The following RIPOR1 variants were observed in gnomAD, a reference collection of about 807,000 sequenced individuals.
The protein encoded by RIPOR1 is RHO family interacting cell polarization regulator 1, also known as rho family-interacting cell polarization regulator 1.
RIPOR1 carries 58 observed loss-of-function variants against 116.5 expected under a neutral mutation model. That is an observed-to-expected ratio of 0.50 (90% CI 0.40 to 0.62). The LOEUF (loss-of-function observed/expected upper bound fraction) is 0.62, where lower values mean the gene tolerates loss of function less well. Ranked by LOEUF, RIPOR1 falls within the 20% of genes least tolerant of loss-of-function variation. The probability of loss-of-function intolerance (pLI) is 0.00; values close to 1 mark genes in which losing one functional copy is unlikely to be tolerated. For synonymous variants in RIPOR1, 605 were observed against 650.0 expected (o/e 0.93, Z 1.05); for missense variants, 1,372 against 1,586.2 (o/e 0.86, Z 2.29).
Position 67,544,172 on chromosome 16 carries a change from C to A in RIPOR1, c.2601-127C>A. On this transcript the variant is annotated intron_variant, in intron 14 of 21. Transcript: ENST00000042381. This position sits in a 1 kb window ranked among gnomAD's most constrained non-coding sequence, Gnocchi z 5.1. ...CTTCTGGAAATCCTCCATGAACTTA[C>A]CCCACTGTCTGCTGTCGGTGCATCA... 1 of 1,245,308 alleles carries A rather than the reference C, an allele frequency of 8.0e-7. No individual in the cohort carries two copies. Among genetic ancestry groups the A allele is most frequent in the Non-Finnish European group, 1.1e-6 (1 of 901,386 alleles). The allele number at this position is 1,245,308 out of a possible 1,614,324, so 77.1% of individuals were successfully genotyped here. A position where few individuals can be genotyped will look rare whatever the true frequency, so the allele number is the denominator to read the frequency against.
chr16:67,545,984 G>C lies in RIPOR1; in HGVS notation c.3423G>C (p.Glu1141Asp). 1.2e-6 allele frequency: 2 copies of C among 1,613,972 alleles called. No individual in the cohort carries two copies. Among genetic ancestry groups the C allele is most frequent in the Non-Finnish European group, 1.7e-6 (2 of 1,180,024 alleles). ...LLCFLDQLED[E>D]DVQTRVAGCL... Reference sequence around the variant, plus strand: ...GCTTCCTGGACCAGCTGGAGGATGAGGACGTGCAGACTCGAGTGGCTGGCT... The same window carrying C: ...GCTTCCTGGACCAGCTGGAGGATGACGACGTGCAGACTCGAGTGGCTGGCT... Residue 1141 changes from glutamate (E) to aspartate (D), a missense_variant, in exon 20 of 22, where the codon GAG becomes GAC. Physicochemically the swap from Glu to Asp is conservative, Grantham distance 45. Coordinates refer to ENST00000042381, the MANE Select transcript of RIPOR1 (RefSeq NM_024519.4). The surrounding 1 kb of genome is among the most constrained non-coding windows in gnomAD (Gnocchi z 4.8).
Position 67,544,851 on chromosome 16 carries a change from G to A in RIPOR1, c.2869+21G>A, listed in dbSNP as rs754651382. 2 of 1,590,206 alleles carry A rather than the reference G, an allele frequency of 1.3e-6. No homozygotes were observed. Among genetic ancestry groups the A allele is most frequent in the Admixed American group, 3.4e-5 (2 of 59,042 alleles). ...GGAAGGTAAAGGCCCTGGGGGTTCG[G>A]GCTCTGCCATCTGCCTTGAAGCTCC... On this transcript the variant is annotated intron_variant, in intron 16 of 21. Transcript: ENST00000042381. This position sits in a 1 kb window ranked among gnomAD's most constrained non-coding sequence, Gnocchi z 5.1.
chr16:67,528,057 G>A (rs942095075), upstream of RIPOR1, among the ~76,000 whole-genome samples: 3 of 152,074 alleles, frequency 2.0e-5, no homozygotes, highest in Admixed American at 6.6e-5. Context: ...GTCCAGGTTG[G>A]AAGGGCCAGG....
chr16:67,539,168 G>C, intron 4 of RIPOR1, 100 bp downstream of exon 4: 1 of 995,100 alleles, frequency 1.0e-6, no homozygotes, highest in South Asian at 1.6e-5. Flanking sequence ...GAAGTGATCT[G>C]GTTCAGGTGT....
In RIPOR1 at chr16:67,541,468, G is replaced by A. The variant is rs373596153; in HGVS notation, c.840G>A (p.Val280=). 1.9e-6 allele frequency: 3 copies of A among 1,613,968 alleles called. No homozygotes were observed. The highest frequency in any genetic ancestry group is 1.3e-5 in the African/African-American group (1 of 74,886). ...ELKGLANHVV[V]GSVSCETKDL... Reference sequence around the variant, plus strand: ...AGGGCCTGGCCAACCATGTGGTTGTGGGCAGTGTCTCCTGTGAGACCAAGG... The same window carrying A: ...AGGGCCTGGCCAACCATGTGGTTGTAGGCAGTGTCTCCTGTGAGACCAAGG... The change falls in exon 11 of 22, where the codon GTG becomes GTA. Residue 280 remains valine (V), a synonymous_variant. Coordinates refer to ENST00000042381, the MANE Select transcript of RIPOR1 (RefSeq NM_024519.4). The surrounding 1 kb of genome is among the most constrained non-coding windows in gnomAD (Gnocchi z 4.6).
At chr16:67,538,228 T>C (rs990992881) in intron 1 of RIPOR1, 196 bp from the exon 2 acceptor site, 2 of 534,670 alleles carry the variant, frequency 3.7e-6, no homozygotes, top group Non-Finnish European at 3.0e-6. Context: ...GAGGCCACGC[T>C]GAGTCCGAGG....
rs1196851391 is a variant in RIPOR1 at position 67,541,391 on chromosome 16, C to G, written c.802-39C>G. On this transcript the variant is annotated intron_variant, in intron 10 of 21. Coordinates refer to ENST00000042381, the MANE Select transcript of RIPOR1 (RefSeq NM_024519.4). This position sits in a 1 kb window ranked among gnomAD's most constrained non-coding sequence, Gnocchi z 4.6. ...CAGATTTCCCATGATCTCATAGCCC[C>G]TGCACCCTTGTGACCCTACCATGCA... The G allele has an allele frequency of 3.1e-6, 5 of 1,598,190 alleles. No homozygotes were observed. The highest frequency in any genetic ancestry group is 4.3e-6 in the Non-Finnish European group (5 of 1,170,640).
At chr16:67,524,064 C>CAAAAAA (rs1162626113), upstream of RIPOR1, among the ~76,000 whole-genome samples, 1 of 150,272 alleles carries the variant, frequency 6.7e-6, no homozygotes, top group East Asian at 1.9e-4. Context: ...CAGAGGCAAA[C>CAAAAAA]AAAAAAAAAT....
In RIPOR1 at chr16:67,545,607, C is replaced by G; in HGVS notation, c.3191-57C>G. On this transcript the variant is annotated intron_variant, in intron 18 of 21. Coordinates refer to ENST00000042381, the MANE Select transcript of RIPOR1 (RefSeq NM_024519.4). The surrounding 1 kb of genome is among the most constrained non-coding windows in gnomAD (Gnocchi z 4.8). ...CATGAGGACAAGCCCTCCCCAACCT[C>G]GGGGGCTCCTCACCCTGCCACCTTG... is the stretch of plus-strand genomic sequence containing the variant. 1 of 1,584,048 alleles carries G rather than the reference C, an allele frequency of 6.3e-7. No individual in the cohort carries two copies. Among genetic ancestry groups the G allele is most frequent in the Non-Finnish European group, 8.6e-7 (1 of 1,161,676 alleles).
Position 67,546,147 on chromosome 16 carries a change from G to A in RIPOR1, c.3478G>A (p.Glu1160Lys), listed in dbSNP as rs1254623732. 34 of 1,531,206 alleles carry A rather than the reference G, an allele frequency of 2.2e-5. No homozygotes were observed. Among genetic ancestry groups the A allele is most frequent in the Non-Finnish European group, 2.8e-5 (32 of 1,128,954 alleles). The allele number at this position is 1,531,206 out of a possible 1,614,324, so 94.9% of individuals were successfully genotyped here. Residue 1160 changes from glutamate (E) to lysine (K), a missense_variant, in exon 21 of 22, where the codon GAG becomes AAG. Physicochemically the swap from Glu to Lys is moderately conservative, Grantham distance 56 (BLOSUM62 1). Coordinates refer to ENST00000042381, the MANE Select transcript of RIPOR1 (RefSeq NM_024519.4). ...CLALGCIKAPEGIEPLVYLCQ... is the reference protein window; with the variant it reads ...CLALGCIKAPKGIEPLVYLCQ... ...ATGCTCCCTCCCCTGACAGGCTCCC[G>A]AGGGCATTGAGCCCCTGGTGTACCT...
rs1298405876 is a variant in RIPOR1, at chr16:67,531,125, C to T, written c.-24+2211C>T. On this transcript the variant is annotated intron_variant, in intron 1 of 21. Transcript: ENST00000042381. The surrounding 1 kb of genome is among the most constrained non-coding windows in gnomAD (Gnocchi z 4.2). The stretch of plus-strand genomic sequence containing the variant: ...TTCCAAGTCCAGAATCCCAGGGGAT[C>T]CCCACCCTGCACCATCCCAGGGAGC... Among the ~76,000 whole-genome samples the T allele has an allele frequency of 6.6e-6, 1 of 152,090 alleles. No homozygotes were observed. The highest frequency in any genetic ancestry group is 6.5e-5 in the Admixed American group (1 of 15,272).
rs192711087 is a variant in RIPOR1, at chr16:67,533,551, G to A, written c.-24+4637G>A. Among the ~76,000 whole-genome samples, 285 of 152,064 alleles carry A rather than the reference G, an allele frequency of 1.9e-3. 2 individuals carry two copies. The highest frequency in any genetic ancestry group is 1.9e-3 in the East Asian group (10 of 5,158). On this transcript the variant is annotated intron_variant, in intron 1 of 21. Transcript: ENST00000042381. ...GCTTAAAGAAGAGGAGGGGAACCACGAAGTCCAAAGCTTTGCTGAGATCAA... is the reference window on the plus strand; with the variant it reads ...GCTTAAAGAAGAGGAGGGGAACCACAAAGTCCAAAGCTTTGCTGAGATCAA...
chr16:67,533,429 G>A (rs983874218), intron 1 of RIPOR1, among the ~76,000 whole-genome samples: 2 of 152,142 alleles, frequency 1.3e-5, no homozygotes, highest in African/African-American at 4.8e-5. Context: ...TCGGGGATGG[G>A]AGGAAAGAAG....
At chr16:67,532,254 G>A (rs183566315) in intron 1 of RIPOR1, among the ~76,000 whole-genome samples, 3 of 152,148 alleles carry the variant, frequency 2.0e-5, no homozygotes, top group Admixed American at 2.0e-4. Flanking sequence ...ACAGTTAGAT[G>A]TTAGCTAGGC....
In RIPOR1 at chr16:67,537,323, T is replaced by C; in HGVS notation, c.-23-1101T>C. 1 of 1,162,004 alleles carries C rather than the reference T, an allele frequency of 8.6e-7. No individual in the cohort carries two copies. Among genetic ancestry groups the C allele is most frequent in the African/African-American group, 1.6e-5 (1 of 62,814 alleles). The allele number at this position is 1,162,004 out of a possible 1,614,324, so 72.0% of individuals were successfully genotyped here. ...CCATGCTCAAATCCCTTTACGCACA[T>C]TGCTGACCCCAGCTGAGCAGACCCC... On this transcript the variant is annotated intron_variant, in intron 1 of 21. Coordinates refer to ENST00000042381, the MANE Select transcript of RIPOR1 (RefSeq NM_024519.4). This position sits in a 1 kb window ranked among gnomAD's most constrained non-coding sequence, Gnocchi z 4.6.
Position 67,537,776 on chromosome 16 carries a change from A to G in RIPOR1, c.-23-648A>G, listed in dbSNP as rs920072901. On this transcript the variant is annotated intron_variant, in intron 1 of 21. Transcript: ENST00000042381. This position sits in a 1 kb window ranked among gnomAD's most constrained non-coding sequence, Gnocchi z 4.6. ...GACTCAGTTTCCAGGTGGGAGCCTC[A>G]GGAAAGAGGAGGGGGCGGGGCCCTT... Among the ~76,000 whole-genome samples the G allele has an allele frequency of 4.0e-5, 6 of 151,802 alleles. No homozygotes were observed. Among genetic ancestry groups the G allele is most frequent in the Non-Finnish European group, 8.8e-5 (6 of 67,908 alleles).
intron 1 of RIPOR1, 84 bp from the exon 2 acceptor site, chr16:67,538,340 A>G: frequency 6.7e-7 from 1 of 1,482,040 alleles, no homozygotes; most frequent in Non-Finnish European, 9.1e-7. Context: ...GACAGGAAAG[A>G]CCTGCGCCAG....
In RIPOR1 at chr16:67,543,437, C is replaced by T. The variant is rs1046975220; in HGVS notation, c.2568C>T (p.Asp856=). 4.2e-5 allele frequency: 66 copies of T among 1,559,772 alleles called. No individual in the cohort carries two copies. In the Middle Eastern group the frequency reaches 6.7e-4, roughly 16 times the overall value. ...ALESFSFLNE[D]EDEDNDVPGD... ...AGAGCTTCAGCTTCCTCAATGAAGACGAAGATGAAGACAATGATGTTCCTG... is the reference window on the plus strand; with the variant it reads ...AGAGCTTCAGCTTCCTCAATGAAGATGAAGATGAAGACAATGATGTTCCTG... Residue 856 remains aspartate (D), a synonymous_variant, in exon 14 of 22, where the codon GAC becomes GAT. Transcript: ENST00000042381. The surrounding 1 kb of genome is among the most constrained non-coding windows in gnomAD (Gnocchi z 4.7).
In RIPOR1 at chr16:67,542,643, C is replaced by T; in HGVS notation, c.1857C>T (p.Ser619=). The T allele has an allele frequency of 6.2e-7, 1 of 1,613,426 alleles. No individual in the cohort carries two copies. The highest frequency in any genetic ancestry group is 8.5e-7 in the Non-Finnish European group (1 of 1,179,774). ...THTTASPTHT[S]TSPTHTPTSP... is the part of the protein sequence containing the mutation. ...CCACAGCAAGCCCCACTCATACTTC[C>T]ACAAGCCCCACCCATACCCCCACAA... is the stretch of plus-strand genomic sequence containing the variant. The change falls in exon 13 of 22, where the codon TCC becomes TCT. Residue 619 remains serine, a synonymous_variant. Coordinates refer to ENST00000042381, the MANE Select transcript of RIPOR1 (RefSeq NM_024519.4). The surrounding 1 kb of genome is among the most constrained non-coding windows in gnomAD (Gnocchi z 4.6).
Sources: gnomAD v4.1 joint callset for allele counts (sites outside exome capture counted in the v4.1 genomes callset) on GRCh38, gnomAD v4.1.1 for gene constraint, Gnocchi (gnomAD v3.1) non-coding constraint, MANE v1.5 for transcripts, NCBI Gene and HGNC (gene_info 2026-07-23, HGNC 2026-07-21) for gene names.